Variants in CDH12 observed in about 807,000 individuals in gnomAD.
The protein encoded by CDH12 is cadherin-12.
A neutral mutation model predicts 74.1 loss-of-function variants in CDH12; 41 were observed. The observed-to-expected ratio is 0.55, with a 90% CI of 0.43 to 0.72. The LOEUF is 0.72. Ranked by LOEUF, CDH12 falls within the 30% of genes least tolerant of loss-of-function variation. The pLI is 0.00. For synonymous variants in CDH12, 399 were observed against 355.0 expected, an observed-to-expected ratio of 1.12 and a Z score of -1.39; for missense variants, 945 against 977.2, an observed-to-expected ratio of 0.97 and a Z score of 0.44.
intron 3 of CDH12, among the ~76,000 whole-genome samples, chr5:22,352,961 C>A (rs928016497): frequency 6.6e-6 from 1 of 152,128 alleles, no homozygotes. Context: ...CTACAAAGCA[C>A]GGAATTCATG....
chr5:22,401,759 G>A (rs1463362246), intron 3 of CDH12, among the ~76,000 whole-genome samples: 2 of 152,134 alleles, frequency 1.3e-5, no homozygotes, highest in East Asian at 3.9e-4. Flanking sequence ...CTTGAGCTGA[G>A]ATAATCCTAG....
chr5:22,741,696 T>C (rs1171855688), intron 1 of CDH12, among the ~76,000 whole-genome samples: 1 of 152,198 alleles, frequency 6.6e-6, no homozygotes, highest in African/African-American at 2.4e-5. Flanking sequence ...ATGACAATTT[T>C]CTAAAAGCTC....
In CDH12 at chr5:22,504,906, T is replaced by A. The variant is rs143242566; in HGVS notation, c.-428+364A>T. Among the ~76,000 whole-genome samples the A allele has an allele frequency of 4.0e-4, 61 of 151,882 alleles. No homozygotes were observed. The East Asian group carries it at 9.3e-3, about 23-fold the overall frequency. On this transcript the variant is annotated intron_variant, in intron 2 of 14. Transcript: ENST00000382254. Reference sequence around the variant, plus strand: ...TAATTATGAGGGACTAGACAAAGCATCATAAAAAAACAGAATAAAAAAGGC... The same window carrying A: ...TAATTATGAGGGACTAGACAAAGCAACATAAAAAAACAGAATAAAAAAGGC...
chr5:21,768,133 T>G (rs991772227), intron 11 of CDH12, among the ~76,000 whole-genome samples: 2 of 151,798 alleles, frequency 1.3e-5, no homozygotes, highest in East Asian at 1.9e-4. Context: ...TAGTAAACAT[T>G]AAATAATCAA....
At chr5:22,847,890 T>G (rs1737378861) in intron 1 of CDH12, among the ~76,000 whole-genome samples, 1 of 151,946 alleles carries the variant, frequency 6.6e-6, no homozygotes, top group Non-Finnish European at 1.5e-5. Context: ...CTTTCTTTCT[T>G]TTTTTTCTTG....
intron 3 of CDH12, among the ~76,000 whole-genome samples, chr5:22,357,059 C>T (rs1157482453): frequency 2.0e-5 from 3 of 151,888 alleles, no homozygotes; most frequent in African/African-American, 7.3e-5. Flanking sequence ...ATCTATCTAG[C>T]TAGATAGAGA....
At chr5:22,104,063 C>A (rs1314393589) in intron 4 of CDH12, among the ~76,000 whole-genome samples, 5 of 152,044 alleles carry the variant, frequency 3.3e-5, no homozygotes, top group Non-Finnish European at 7.4e-5. Context: ...GGTGAACTCA[C>A]AATGGAAAGT....
chr5:22,300,450 T>TG (rs1737831779), intron 3 of CDH12, among the ~76,000 whole-genome samples: 1 of 152,170 alleles, frequency 6.6e-6, no homozygotes, highest in African/African-American at 2.4e-5. Context: ...AATCTATACC[T>TG]TACAAAGGTC....
In CDH12 at chr5:22,195,939, T is replaced by A. The variant is rs552080480; in HGVS notation, c.-187+16559A>T. Among the ~76,000 whole-genome samples, 41 of 152,278 alleles carry A rather than the reference T, an allele frequency of 2.7e-4. No individual in the cohort carries two copies. In the South Asian group the frequency reaches 2.7e-3, roughly 10 times the overall value. On this transcript the variant is annotated intron_variant, in intron 4 of 14. Transcript: ENST00000382254. ...AGTTTCAACCTATTAGTAGCAATAATTTTTTAAAAGAGTCATATATACATA... is the reference window on the plus strand; with the variant it reads ...AGTTTCAACCTATTAGTAGCAATAAATTTTTAAAAGAGTCATATATACATA...
intron 4 of CDH12, among the ~76,000 whole-genome samples, chr5:22,186,929 T>C (rs1458604604): frequency 6.6e-6 from 1 of 152,204 alleles, no homozygotes; most frequent in Non-Finnish European, 1.5e-5. Context: ...ATGAAAAATA[T>C]CTAACTGTAA....
chr5:22,117,142 T>C (rs184465693), intron 4 of CDH12, among the ~76,000 whole-genome samples: 16 of 151,484 alleles, frequency 1.1e-4, no homozygotes, highest in Non-Finnish European at 2.2e-4. Context: ...TCATCTGCAG[T>C]ACACAATGAA....
chr5:21,834,939 T>TA (rs1411594009), intron 8 of CDH12, among the ~76,000 whole-genome samples: 1 of 151,966 alleles, frequency 6.6e-6, no homozygotes, highest in Non-Finnish European at 1.5e-5. Context: ...CAGTACTTGC[T>TA]ACCATCTTTT....
chr5:22,508,196 C>T (rs189674720), intron 1 of CDH12, among the ~76,000 whole-genome samples: 3 of 152,234 alleles, frequency 2.0e-5, no homozygotes, highest in East Asian at 3.9e-4. Context: ...ATTTTCCAGC[C>T]TACCATAGAT....
At chr5:22,590,319 T>C (rs960596641) in intron 1 of CDH12, among the ~76,000 whole-genome samples, 1 of 152,174 alleles carries the variant, frequency 6.6e-6, no homozygotes. Context: ...TTTTTAAAAG[T>C]ACAAACCTTA....
chr5:21,973,982 C>A (rs1338098786), intron 6 of CDH12, among the ~76,000 whole-genome samples: 1 of 151,672 alleles, frequency 6.6e-6, no homozygotes, highest in East Asian at 1.9e-4. Flanking sequence ...TGAATTACTT[C>A]AAGCTGATTT....
intron 6 of CDH12, among the ~76,000 whole-genome samples, chr5:21,953,867 C>T (rs1192095457): frequency 6.6e-6 from 1 of 151,958 alleles, no homozygotes; most frequent in South Asian, 2.1e-4. Flanking sequence ...AAAAATTAGG[C>T]CTTACAGAAA....
At chr5:22,086,525 G>T (rs942292162) in intron 4 of CDH12, among the ~76,000 whole-genome samples, 1 of 151,214 alleles carries the variant, frequency 6.6e-6, no homozygotes, top group South Asian at 2.1e-4. Flanking sequence ...TTTTTTGTTT[G>T]TTTGTTTGTT....
chr5:22,709,929 G>T (rs1320090614), intron 1 of CDH12, among the ~76,000 whole-genome samples: 2 of 152,170 alleles, frequency 1.3e-5, no homozygotes, highest in Non-Finnish European at 2.9e-5. Flanking sequence ...GTGATTATGT[G>T]TAGGTTTTCT....
intron 6 of CDH12, among the ~76,000 whole-genome samples, chr5:21,970,095 TATATA>T (rs1272337542): frequency 2.6e-5 from 4 of 152,046 alleles, no homozygotes; most frequent in Admixed American, 6.6e-5. Flanking sequence ...AACTTTTTGT[TATATA>T]AGACACTATT....
Sources: allele counts gnomAD v4.1 joint callset (sites outside exome capture counted in the v4.1 genomes callset), GRCh38; gene constraint gnomAD v4.1.1; transcripts MANE v1.5; gene names NCBI Gene and HGNC (gene_info 2026-07-23, HGNC 2026-07-21).